PVT1: variants seen among roughly 807,000 people sequenced by gnomAD.
PVT1 encodes the protein Pvt1 oncogene.
chr8:127,916,906 C>T (rs1008477786), intron 3 of PVT1, among the ~76,000 whole-genome samples: 3 of 152,152 alleles, frequency 2.0e-5, no homozygotes, highest in East Asian at 3.8e-4. Flanking sequence ...GCGTGAGTAT[C>T]GTTTCGGTTC....
intron 2 of PVT1, among the ~76,000 whole-genome samples, chr8:127,858,805 CTTTT>C (rs35886687): frequency 1.3e-4 from 6 of 47,322 alleles, no homozygotes; most frequent in South Asian, 9.3e-4. Flanking sequence ...CTTGAAGATT[CTTTT>C]TTTTTTTTTT....
intron 2 of PVT1, among the ~76,000 whole-genome samples, chr8:127,831,626 G>A (rs1814851807): frequency 6.6e-6 from 1 of 152,144 alleles, no homozygotes; most frequent in Admixed American, 6.5e-5. Flanking sequence ...TAGAAGTTGG[G>A]GAGCTGGAAA....
At chr8:128,085,011 C>A (rs1160362523) in intron 5 of PVT1, among the ~76,000 whole-genome samples, 2 of 152,180 alleles carry the variant, frequency 1.3e-5, no homozygotes, top group African/African-American at 4.8e-5. Context: ...AACAAAATGA[C>A]CTTGTTCCTT....
intron 2 of PVT1, among the ~76,000 whole-genome samples, chr8:127,846,711 GC>G (rs1457858719): frequency 6.6e-6 from 1 of 151,990 alleles, no homozygotes; most frequent in Non-Finnish European, 1.5e-5. Context: ...TTGAGATGTT[GC>G]CCAGGCTGGA....
chr8:127,923,859 T>C (rs939822640), intron 3 of PVT1, among the ~76,000 whole-genome samples: 2 of 152,196 alleles, frequency 1.3e-5, no homozygotes, highest in Admixed American at 1.3e-4. Context: ...TCTCCCAGGT[T>C]GTATAATCAG....
At chr8:127,966,655 G>A (rs781299941) in intron 3 of PVT1, among the ~76,000 whole-genome samples, 11 of 152,152 alleles carry the variant, frequency 7.2e-5, no homozygotes, top group Non-Finnish European at 1.6e-4. Flanking sequence ...GCAGCTGAGG[G>A]ACTGCAATTT....
At chr8:127,895,748 AG>A (rs1815667013) in intron 3 of PVT1, among the ~76,000 whole-genome samples, 2 of 152,246 alleles carry the variant, frequency 1.3e-5, no homozygotes, top group South Asian at 4.1e-4. Context: ...CATGCTAAGT[AG>A]GTTATATTTG....
intron 5 of PVT1, among the ~76,000 whole-genome samples, chr8:128,091,012 A>G (rs900450788): frequency 2.6e-5 from 4 of 152,078 alleles, no homozygotes; most frequent in Non-Finnish European, 5.9e-5. Context: ...AAATGGGAAT[A>G]ATTTTTTCAC....
intron 3 of PVT1, chr8:127,940,487 G>A (rs1816334203): frequency 6.6e-6 from 1 of 151,854 alleles, no homozygotes; most frequent in African/African-American, 2.4e-5. Context: ...TTCAAGTGTG[G>A]TTACGAATGC....
chr8:127,983,090 G>T (rs1258803167), intron 3 of PVT1, among the ~76,000 whole-genome samples: 1 of 152,132 alleles, frequency 6.6e-6, no homozygotes, highest in African/African-American at 2.4e-5. Context: ...TGATCTTGGG[G>T]CTGGCTGCTG....
At chr8:128,081,022 A>T (rs891914567) in intron 5 of PVT1, among the ~76,000 whole-genome samples, 2 of 152,156 alleles carry the variant, frequency 1.3e-5, no homozygotes, top group African/African-American at 4.8e-5. Flanking sequence ...TTGACTATAT[A>T]TATGTGGGTC....
At chr8:127,973,582 T>C (rs925346788) in intron 3 of PVT1, among the ~76,000 whole-genome samples, 1 of 151,570 alleles carries the variant, frequency 6.6e-6, no homozygotes, top group Admixed American at 6.6e-5. Context: ...GGGATTGTGG[T>C]CCACACTGGA....
chr8:127,961,705 C>T (rs1172934988), intron 3 of PVT1, among the ~76,000 whole-genome samples: 1 of 152,240 alleles, frequency 6.6e-6, no homozygotes, highest in Non-Finnish European at 1.5e-5. Context: ...CACGGAACAA[C>T]TTGAAGGATT....
chr8:127,979,719 G>A (rs1323696094), intron 3 of PVT1, among the ~76,000 whole-genome samples: 1 of 152,126 alleles, frequency 6.6e-6, no homozygotes, highest in African/African-American at 2.4e-5. Context: ...ATGTGCCCCC[G>A]ACCCCACCAC....
chr8:127,819,966 G>A (rs1441813793), intron 2 of PVT1, among the ~76,000 whole-genome samples: 1 of 152,142 alleles, frequency 6.6e-6, no homozygotes, highest in Non-Finnish European at 1.5e-5. Flanking sequence ...TCATCTTCAT[G>A]GAATGTCACT....
intron 4 of PVT1, among the ~76,000 whole-genome samples, chr8:128,026,803 T>C (rs924807181): frequency 1.3e-5 from 2 of 152,200 alleles, no homozygotes; most frequent in Non-Finnish European, 2.9e-5. Context: ...AAGAAAGACC[T>C]TGTGGATCCT....
chr8:127,842,952 A>G (rs1362257186), intron 2 of PVT1, among the ~76,000 whole-genome samples: 1 of 151,998 alleles, frequency 6.6e-6, no homozygotes, highest in Non-Finnish European at 1.5e-5. Context: ...AGGTCACAAT[A>G]CCCTCTCTGG....
chr8:127,817,995 A>G (rs899267348), intron 2 of PVT1, among the ~76,000 whole-genome samples: 1 of 152,184 alleles, frequency 6.6e-6, no homozygotes, highest in African/African-American at 2.4e-5. Context: ...TTACACTTGC[A>G]GAGGCAGAAC....
chr8:127,913,274 C>A (rs1328916010), intron 3 of PVT1, among the ~76,000 whole-genome samples: 1 of 152,186 alleles, frequency 6.6e-6, no homozygotes, highest in African/African-American at 2.4e-5. Context: ...AGCATCCTCC[C>A]ATCAGCCATG....
Sources: gnomAD v4.1 joint callset for allele counts (sites outside exome capture counted in the v4.1 genomes callset) on GRCh38, gnomAD v4.1.1 for gene constraint, MANE v1.5 for transcripts, NCBI Gene and HGNC (gene_info 2026-07-23, HGNC 2026-07-21) for gene names.